The following RSU1 variants were observed in gnomAD, a reference collection of about 807,000 sequenced individuals.
The protein encoded by RSU1 is Ras suppressor protein 1, also known as rsu-1.
A neutral mutation model predicts 31.1 loss-of-function variants in RSU1; 26 were observed. That is an observed-to-expected ratio of 0.84 (90% CI 0.61 to 1.16). RSU1 has a LOEUF of 1.16. Ranked by LOEUF, RSU1 falls within the 50% of genes most tolerant of loss-of-function variation. RSU1 has a pLI of 0.00. For missense variants in RSU1, 320 were observed against 339.1 expected, an observed-to-expected ratio of 0.94 and a Z score of 0.44; for synonymous variants, 164 against 136.3, an observed-to-expected ratio of 1.20 and a Z score of -1.41.
chr10:16,680,005 C>T (rs894435612), intron 8 of RSU1, among the ~76,000 whole-genome samples: 10 of 151,650 alleles, frequency 6.6e-5, no homozygotes, highest in African/African-American at 2.2e-4. Context: ...CCTCAGCCTC[C>T]GGAGTACCTG....
Position 16,697,987 on chromosome 10 carries a change from C to CTTT in RSU1, c.599-2835_599-2833dup, listed in dbSNP as rs67816326. Among the ~76,000 whole-genome samples, 445 of 99,478 alleles carry CTTT rather than the reference C, an allele frequency of 4.5e-3. 20 individuals are homozygous for CTTT. Among genetic ancestry groups the CTTT allele is most frequent in the African/African-American group, 0.019 (393 of 20,206 alleles). 65.3% of individuals were successfully genotyped at this position (99,478 alleles called of 152,430 possible). A position where few individuals can be genotyped will look rare whatever the true frequency, so the allele number is the denominator to read the frequency against. ...CAGAGGGGTGATTGCAGGAACACAC[C>CTTT]TTTTTTTTTTTTTTTTTTTTTTTTT... On this transcript the variant is annotated intron_variant, in intron 7 of 8. Transcript: ENST00000345264.
chr10:16,765,411 T>C lies in RSU1; in HGVS notation c.161-901A>G, dbSNP rs189223227. ...AAGAGATCGATACACTGTTATTATA[T>C]AGAAATACAAAAAGTCAACTCAGTA... is the stretch of plus-strand genomic sequence containing the variant. On this transcript the variant is annotated intron_variant, in intron 3 of 8. Coordinates refer to ENST00000345264, the MANE Select transcript of RSU1 (RefSeq NM_012425.4). 1.0e-3 allele frequency among the ~76,000 whole-genome samples: 157 copies of C among 152,268 alleles called. 1 individual carries two copies. Among genetic ancestry groups the C allele is most frequent in the African/African-American group, 3.6e-3 (151 of 41,542 alleles).
chr10:16,741,743 G>A (rs747500583), intron 7 of RSU1, among the ~76,000 whole-genome samples: 14 of 152,110 alleles, frequency 9.2e-5, no homozygotes, highest in African/African-American at 2.4e-4. Flanking sequence ...CCTTGACTAC[G>A]GGGTGAAGAA....
chr10:16,764,624 C>T (rs1837276826), intron 3 of RSU1, 114 bp from the exon 4 acceptor site: 2 of 1,099,800 alleles, frequency 1.8e-6, no homozygotes, highest in South Asian at 3.4e-5. Context: ...TTCAAAAGGG[C>T]CATCGAATTC....
intron 3 of RSU1, among the ~76,000 whole-genome samples, chr10:16,764,811 A>T (rs1837280077): frequency 6.6e-6 from 1 of 152,142 alleles, no homozygotes; most frequent in African/African-American, 2.4e-5. Context: ...CTGTACCATA[A>T]ACAGCCTATA....
At chr10:16,619,191 A>G (rs183742643) in intron 8 of RSU1, among the ~76,000 whole-genome samples, 10 of 152,342 alleles carry the variant, frequency 6.6e-5, no homozygotes, top group African/African-American at 2.2e-4. Context: ...CCTGCTTCAG[A>G]AAAATATTAC....
Position 16,797,859 on chromosome 10 carries a change from T to C in RSU1, c.110-15775A>G, listed in dbSNP as rs74405454. Among the ~76,000 whole-genome samples the C allele has an allele frequency of 7.8e-3, 528 of 67,882 alleles. 2 individuals are homozygous for C. Among genetic ancestry groups the C allele is most frequent in the African/African-American group, 0.038 (484 of 12,676 alleles). The allele number at this position is 67,882 out of a possible 152,430, so 44.5% of individuals were successfully genotyped here. A position where few individuals can be genotyped will look rare whatever the true frequency, so the allele number is the denominator to read the frequency against. On this transcript the variant is annotated intron_variant, in intron 2 of 8. Transcript: ENST00000345264. Reference sequence around the variant, plus strand: ...GAAGTTAAAGTGGGGATTTCTTCTTTTTTTTTTTTTTTTTTTTTTTGAGAT... The same window carrying C: ...GAAGTTAAAGTGGGGATTTCTTCTTCTTTTTTTTTTTTTTTTTTTTGAGAT...
chr10:16,618,257 A>G (rs550141436), intron 8 of RSU1, among the ~76,000 whole-genome samples: 3 of 152,230 alleles, frequency 2.0e-5, no homozygotes, highest in Non-Finnish European at 4.4e-5. Flanking sequence ...TAGAGAATGC[A>G]AATCAAAACC....
rs190398903 is a variant in RSU1 at position 16,686,807 on chromosome 10, T to C, written c.731+8216A>G. 2.4e-4 allele frequency among the ~76,000 whole-genome samples: 37 copies of C among 152,284 alleles called. 1 individual carries two copies. The East Asian group carries it at 5.0e-3, about 21-fold the overall frequency. ...AGTCCTACGGAAAAGCCTTTTGTAG[T>C]GCAAGGTTCAGGATAAATCTCTCTT... On this transcript the variant is annotated intron_variant, in intron 8 of 8. Transcript: ENST00000345264.
intron 2 of RSU1, among the ~76,000 whole-genome samples, chr10:16,813,808 C>A (rs1462861709): frequency 6.6e-6 from 1 of 152,166 alleles, no homozygotes; most frequent in African/African-American, 2.4e-5. Context: ...ATACCTGTCT[C>A]CAGCCTAAGA....
intron 8 of RSU1, among the ~76,000 whole-genome samples, chr10:16,681,407 T>C (rs994679951): frequency 2.0e-5 from 3 of 152,016 alleles, no homozygotes; most frequent in Non-Finnish European, 4.4e-5. Flanking sequence ...AGATATTCCA[T>C]AAAATATGGA....
chr10:16,761,637 A>G (rs537001086), intron 4 of RSU1, among the ~76,000 whole-genome samples: 256 of 152,184 alleles, frequency 1.7e-3, no homozygotes, highest in African/African-American at 6.0e-3. Flanking sequence ...CGGGTGGATC[A>G]TGAGGTCAGG....
chr10:16,656,972 C>T (rs1055420868), intron 8 of RSU1, among the ~76,000 whole-genome samples: 1 of 152,208 alleles, frequency 6.6e-6, no homozygotes, highest in Non-Finnish European at 1.5e-5. Flanking sequence ...AAGGAAAACA[C>T]TGTTCTCTTT....
chr10:16,774,428 GGCATGGCAGTGCACACCTGTAGTCCCA>G lies in RSU1; in HGVS notation c.160+7579_160+7605del, dbSNP rs111961025. Among the ~76,000 whole-genome samples the G allele has an allele frequency of 4.6e-5, 7 of 152,152 alleles. 1 individual carries two copies. The highest frequency in any genetic ancestry group is 1.7e-4 in the African/African-American group (7 of 41,524). On this transcript the variant is annotated intron_variant, in intron 3 of 8. Transcript: ENST00000345264. Reference sequence around the variant, plus strand: ...CTCTACTAAAAACAAAAACTAGCTGGGCATGGCAGTGCACACCTGTAGTCCCAGCTACTAGGGAGGCTGAGGCAGAAG... The same window carrying G: ...CTCTACTAAAAACAAAAACTAGCTGGGCTACTAGGGAGGCTGAGGCAGAAG...
intron 8 of RSU1, among the ~76,000 whole-genome samples, chr10:16,605,311 T>C (rs994657464): frequency 1.3e-5 from 2 of 152,228 alleles, no homozygotes; most frequent in African/African-American, 4.8e-5. Flanking sequence ...ATTTGATGTC[T>C]GTTTCCTGCC....
chr10:16,698,707 C>T (rs1013953199), intron 7 of RSU1, among the ~76,000 whole-genome samples: 1 of 152,188 alleles, frequency 6.6e-6, no homozygotes, highest in Non-Finnish European at 1.5e-5. Flanking sequence ...CTGGAGCACA[C>T]AGGAGACGCT....
In RSU1 at chr10:16,722,412, G is replaced by C. The variant is rs1474169352; in HGVS notation, c.599-27257C>G. Among the ~76,000 whole-genome samples, 9 of 152,302 alleles carry C rather than the reference G, an allele frequency of 5.9e-5. No homozygotes were observed. In the East Asian group the frequency reaches 1.7e-3, roughly 29 times the overall value. ...GAGCTGACACCCAGGCTTCTAGCTG[G>C]TGGATGTATGAATGGTGGTGTCATC... On this transcript the variant is annotated intron_variant, in intron 7 of 8. Transcript: ENST00000345264.
intron 7 of RSU1, among the ~76,000 whole-genome samples, chr10:16,718,057 C>A (rs77217652): frequency 2.1e-5 from 3 of 141,202 alleles, no homozygotes; most frequent in Admixed American, 1.4e-4. Context: ...AACACAAAGT[C>A]ATTTTCAAAT....
intron 8 of RSU1, among the ~76,000 whole-genome samples, chr10:16,674,510 G>T (rs753489008): frequency 2.6e-5 from 4 of 151,624 alleles, no homozygotes; most frequent in Non-Finnish European, 4.4e-5. Flanking sequence ...TCCACTAGGT[G>T]CCAGGCAATG....
Sources: gnomAD v4.1 joint callset for allele counts (sites outside exome capture counted in the v4.1 genomes callset) on GRCh38, gnomAD v4.1.1 for gene constraint, MANE v1.5 for transcripts, NCBI Gene and HGNC (gene_info 2026-07-23, HGNC 2026-07-21) for gene names.